Variants in SHISA6 observed in about 807,000 individuals in gnomAD.
SHISA6 encodes the protein shisa family member 6, also known as protein shisa-6.
A neutral mutation model predicts 47.9 loss-of-function variants in SHISA6; 22 were observed. The observed-to-expected ratio is 0.46, with a 90% CI of 0.33 to 0.66. The LOEUF (loss-of-function observed/expected upper bound fraction) is 0.66, where lower values mean the gene tolerates loss of function less well. Ranked by LOEUF, SHISA6 falls within the 30% of genes least tolerant of loss-of-function variation. SHISA6 has a pLI of 0.02. For synonymous variants in SHISA6, 388 were observed against 337.8 expected (o/e 1.15, Z -1.63); for missense variants, 680 against 764.6 (o/e 0.89, Z 1.30).
chr17:11,535,986 A>G (rs1183353922), intron 3 of SHISA6, among the ~76,000 whole-genome samples: 1 of 152,056 alleles, frequency 6.6e-6, no homozygotes, highest in Admixed American at 6.6e-5. Context: ...AGAGATATTT[A>G]TATCTATATA....
At chr17:11,276,906 A>G (rs541115837) in intron 2 of SHISA6, among the ~76,000 whole-genome samples, 1 of 152,254 alleles carries the variant, frequency 6.6e-6, no homozygotes, top group Non-Finnish European at 1.5e-5. Flanking sequence ...GGTTTATGAA[A>G]TTTGTCATTG....
At chr17:11,246,917 T>C (rs911043153) in intron 1 of SHISA6, among the ~76,000 whole-genome samples, 1 of 152,190 alleles carries the variant, frequency 6.6e-6, no homozygotes, top group Non-Finnish European at 1.5e-5. Flanking sequence ...TTCTCCTTGG[T>C]CACATTGCTC....
At chr17:11,543,910 CAAA>C (rs200573876) in intron 3 of SHISA6, among the ~76,000 whole-genome samples, 4 of 96,378 alleles carry the variant, frequency 4.2e-5, no homozygotes, top group Non-Finnish European at 9.2e-5. Context: ...TATTTATAAG[CAAA>C]AAAAAAAAAA....
intron 3 of SHISA6, among the ~76,000 whole-genome samples, chr17:11,520,522 C>G (rs943749406): frequency 1.3e-5 from 2 of 152,120 alleles, no homozygotes; most frequent in Non-Finnish European, 2.9e-5. Context: ...AATGGTATCT[C>G]AAGCCTCTCT....
At chr17:11,454,985 G>C (rs62062110) in intron 3 of SHISA6, among the ~76,000 whole-genome samples, 11,150 of 151,772 alleles carry the variant, frequency 0.073, 457 homozygotes, top group Non-Finnish European at 0.081. Context: ...CTGGCTAACA[G>C]GGTGAAATCC....
At chr17:11,521,585 A>G (rs2071629797) in intron 3 of SHISA6, among the ~76,000 whole-genome samples, 1 of 151,948 alleles carries the variant, frequency 6.6e-6, no homozygotes, top group Non-Finnish European at 1.5e-5. Flanking sequence ...GGAGTTCGAG[A>G]CCAGCCTGGA....
At chr17:11,307,378 C>A (rs1188782699) in intron 2 of SHISA6, among the ~76,000 whole-genome samples, 1 of 152,138 alleles carries the variant, frequency 6.6e-6, no homozygotes, top group Non-Finnish European at 1.5e-5. Flanking sequence ...TGTTCGCCTG[C>A]CTTCATTAAG....
At chr17:11,457,719 T>G in intron 3 of SHISA6, among the ~76,000 whole-genome samples, 2 of 135,314 alleles carry the variant, frequency 1.5e-5, no homozygotes, top group East Asian at 2.1e-4. Context: ...CCAGTCTGGG[T>G]GACAGAGTGA....
intron 2 of SHISA6, among the ~76,000 whole-genome samples, chr17:11,264,262 C>T (rs899600438): frequency 6.6e-6 from 1 of 152,118 alleles, no homozygotes; most frequent in East Asian, 1.9e-4. Flanking sequence ...CATGCTGAGC[C>T]TTTTACATAT....
intron 2 of SHISA6, among the ~76,000 whole-genome samples, chr17:11,343,169 G>A (rs1043744703): frequency 6.6e-6 from 1 of 152,206 alleles, no homozygotes; most frequent in African/African-American, 2.4e-5. Flanking sequence ...ATTTAGGATA[G>A]TAACTGAAAA....
chr17:11,452,512 G>A (rs978859136), intron 3 of SHISA6, among the ~76,000 whole-genome samples: 3 of 152,158 alleles, frequency 2.0e-5, no homozygotes, highest in Non-Finnish European at 4.4e-5. Flanking sequence ...GTTTCATGCT[G>A]CAGACACAGG....
intron 3 of SHISA6, among the ~76,000 whole-genome samples, chr17:11,398,906 A>C (rs1913669776): frequency 6.6e-6 from 1 of 150,800 alleles, no homozygotes; most frequent in African/African-American, 2.4e-5. Context: ...AGTACTTTTG[A>C]TCATTCTTGG....
chr17:11,268,572 G>T (rs1376035590), intron 2 of SHISA6, among the ~76,000 whole-genome samples: 1 of 152,210 alleles, frequency 6.6e-6, no homozygotes, highest in African/African-American at 2.4e-5. Context: ...TGCTCAAGCA[G>T]CACTGTTTTG....
chr17:11,272,186 A>G lies in SHISA6; in HGVS notation c.799+8660A>G, dbSNP rs528413341. On this transcript the variant is annotated intron_variant, in intron 2 of 5. Transcript: ENST00000441885. ...CCTGCCACTCCTTCCATGGACACCA[A>G]AGCTCTGCCTACTCAAACACATTTG... is the stretch of plus-strand genomic sequence containing the variant. Among the ~76,000 whole-genome samples, 267 of 151,982 alleles carry G rather than the reference A, an allele frequency of 1.8e-3. 1 individual carries two copies. Among genetic ancestry groups the G allele is most frequent in the Non-Finnish European group, 2.9e-3 (197 of 67,954 alleles).
intron 3 of SHISA6, among the ~76,000 whole-genome samples, chr17:11,511,763 T>C (rs1453213931): frequency 6.6e-6 from 1 of 152,244 alleles, no homozygotes; most frequent in Non-Finnish European, 1.5e-5. Context: ...GTTCCTTCTG[T>C]GTGCAAAGCA....
At chr17:11,483,676 G>C (rs1473173) in intron 3 of SHISA6, among the ~76,000 whole-genome samples, 152,228 of 152,360 alleles carry the variant, frequency 1, 76,048 homozygotes, top group Middle Eastern at 1. Context: ...TACACACATA[G>C]TAGTGTTACA....
chr17:11,557,195 ATT>A (rs1187464128), intron 5 of SHISA6, among the ~76,000 whole-genome samples: 1 of 152,156 alleles, frequency 6.6e-6, no homozygotes, highest in Non-Finnish European at 1.5e-5. Context: ...CCAGTTAAAC[ATT>A]TTCACAAGTG....
intron 2 of SHISA6, among the ~76,000 whole-genome samples, chr17:11,372,562 T>C (rs1231690741): frequency 1.3e-5 from 2 of 152,206 alleles, no homozygotes; most frequent in Non-Finnish European, 2.9e-5. Flanking sequence ...CCTATTGCTT[T>C]TCTTTTTTTT....
intron 2 of SHISA6, among the ~76,000 whole-genome samples, chr17:11,292,253 A>C (rs184163435): frequency 6.6e-6 from 1 of 152,050 alleles, no homozygotes; most frequent in African/African-American, 2.4e-5. Context: ...GGGCATTAAC[A>C]TATGAATTTT....
Sources: allele counts gnomAD v4.1 joint callset (sites outside exome capture counted in the v4.1 genomes callset), GRCh38; gene constraint gnomAD v4.1.1; transcripts MANE v1.5; gene names NCBI Gene and HGNC (gene_info 2026-07-23, HGNC 2026-07-21).